MYO1B: variants seen among roughly 807,000 people sequenced by gnomAD.
MYO1B encodes the protein myosin IB.
In MYO1B, 72 loss-of-function variants were observed where a neutral mutation model predicts 159.7. That is an observed-to-expected ratio of 0.45 (90% CI 0.37 to 0.55). The LOEUF (loss-of-function observed/expected upper bound fraction) is 0.55. MYO1B is among the 20% of genes least tolerant of loss of function. The probability of loss-of-function intolerance (pLI) is 0.00; values close to 1 mark genes in which losing one functional copy is unlikely to be tolerated. For missense variants in MYO1B, 1,062 were observed against 1,364.8 expected (o/e 0.78, Z 3.50); for synonymous variants, 468 against 473.8 (o/e 0.99, Z 0.16).
Position 191,414,645 on chromosome 2 carries a change from C to T in MYO1B, c.3135C>T (p.Gly1045=), listed in dbSNP as rs1399178846. Residue 1045 remains glycine, a synonymous_variant, in exon 29 of 31, where the codon GGC becomes GGT. Transcript: ENST00000392318. ...TKVSMSSQND[G]FFAVHLKEGS... ...TATCAATGAGCTCACAAAATGATGG[C>T]TTCTTCGCCGTCCACCTCAAAGAGG... 2 of 1,612,062 alleles carry T rather than the reference C, an allele frequency of 1.2e-6. No homozygotes were observed. Among genetic ancestry groups the T allele is most frequent in the African/African-American group, 2.7e-5 (2 of 74,886 alleles).
chr2:191,314,383 T>C (rs988943614), intron 3 of MYO1B, among the ~76,000 whole-genome samples: 3 of 152,244 alleles, frequency 2.0e-5, no homozygotes, highest in East Asian at 1.9e-4. Context: ...TATGTGATTA[T>C]TGGTGATTAT....
chr2:191,418,450 A>G (rs2126189276), intron 30 of MYO1B, among the ~76,000 whole-genome samples: 3 of 150,430 alleles, frequency 2.0e-5, no homozygotes, highest in Middle Eastern at 6.9e-3. Flanking sequence ...GTTTATGGAA[A>G]GAGAGTCAAA....
intron 1 of MYO1B, among the ~76,000 whole-genome samples, chr2:191,253,432 G>C (rs1179267931): frequency 6.6e-6 from 1 of 151,960 alleles, no homozygotes; most frequent in Non-Finnish European, 1.5e-5. Context: ...TTGTTGTTCT[G>C]GATCGTTCCT....
intron 1 of MYO1B, among the ~76,000 whole-genome samples, chr2:191,265,875 T>G (rs377282460): frequency 6.6e-6 from 1 of 152,228 alleles, no homozygotes; most frequent in East Asian, 1.9e-4. Flanking sequence ...CATTGTGAGC[T>G]GTATAGCATG....
At chr2:191,259,861 T>C (rs888145056) in intron 1 of MYO1B, among the ~76,000 whole-genome samples, 4 of 151,968 alleles carry the variant, frequency 2.6e-5, no homozygotes, top group Non-Finnish European at 5.9e-5. Flanking sequence ...CATTTTGGGA[T>C]GTGGGGCATT....
intron 4 of MYO1B, among the ~76,000 whole-genome samples, chr2:191,340,811 C>T (rs1156263316): frequency 1.3e-5 from 2 of 151,968 alleles, no homozygotes; most frequent in Non-Finnish European, 2.9e-5. Context: ...CTGCAACCTC[C>T]ACCTCCCGGG....
intron 1 of MYO1B, among the ~76,000 whole-genome samples, chr2:191,254,754 G>A (rs1005637584): frequency 6.6e-6 from 1 of 151,786 alleles, no homozygotes; most frequent in African/African-American, 2.4e-5. Flanking sequence ...GGTTTCCCAA[G>A]TGCTGGGATT....
chr2:191,275,182 G>A (rs187726464), intron 1 of MYO1B, among the ~76,000 whole-genome samples: 2 of 152,162 alleles, frequency 1.3e-5, no homozygotes, highest in African/African-American at 4.8e-5. Context: ...GGGATTACAG[G>A]CATGAGCCAC....
At chr2:191,295,215 G>A (rs564653532) in intron 2 of MYO1B, among the ~76,000 whole-genome samples, 8 of 152,186 alleles carry the variant, frequency 5.3e-5, no homozygotes, top group Admixed American at 2.0e-4. Flanking sequence ...GGAAAATGGA[G>A]CTGCCAAGAT....
At position 191,362,367 on chromosome 2, in the gene MYO1B, T is replaced by C. The variant is rs755434177; in HGVS notation, c.761T>C (p.Val254Ala). 7 of 1,613,054 alleles carry C rather than the reference T, an allele frequency of 4.3e-6. No homozygotes were observed. Among genetic ancestry groups the C allele is most frequent in the Non-Finnish European group, 5.9e-6 (7 of 1,179,194 alleles). The stretch of plus-strand genomic sequence containing the variant: ...GATGATGCAGCAAATTTTAGAACCG[T>C]GCGGGTAAGATGTAGTACTTTCATC... ...GVDDAANFRTVRNAMQIVGFM... is the reference protein window; with the variant it reads ...GVDDAANFRTARNAMQIVGFM... Residue 254 changes from valine (V) to alanine (A), a missense_variant, in exon 9 of 31, where the codon GTG becomes GCG. By Grantham distance (64) the Val-to-Ala change is moderately conservative. Coordinates refer to ENST00000392318, the MANE Select transcript of MYO1B (RefSeq NM_001130158.3).
chr2:191,329,947 G>T lies in MYO1B; in HGVS notation c.264G>T (p.Ser88=). 1 of 1,609,814 alleles carries T rather than the reference G, an allele frequency of 6.2e-7. No homozygotes were observed. Among genetic ancestry groups the T allele is most frequent in the Admixed American group, 1.7e-5 (1 of 59,702 alleles). ...YELSPHIFAL[S]DEAYRSLRDQ... ...TTATCCCCTGCAGCTTTGCCCTTTCGGATGAAGCATACAGATCCCTACGAG... is the reference window on the plus strand; with the variant it reads ...TTATCCCCTGCAGCTTTGCCCTTTCTGATGAAGCATACAGATCCCTACGAG... The change falls in exon 4 of 31, where the codon TCG becomes TCT. Residue 88 remains serine (S), a synonymous_variant. Transcript: ENST00000392318.
chr2:191,390,915 A>G (rs1256081942), intron 18 of MYO1B, among the ~76,000 whole-genome samples: 1 of 152,248 alleles, frequency 6.6e-6, no homozygotes, highest in East Asian at 1.9e-4. Flanking sequence ...TCAATAGACG[A>G]TACGAGCAGG....
intron 20 of MYO1B, among the ~76,000 whole-genome samples, chr2:191,394,947 A>T (rs1330204165): frequency 6.6e-6 from 1 of 152,178 alleles, no homozygotes; most frequent in Non-Finnish European, 1.5e-5. Context: ...TGAACTACAT[A>T]CCTCAACCAG....
In MYO1B at chr2:191,388,427, A is replaced by G. The variant is rs73984114; in HGVS notation, c.1781+977A>G. On this transcript the variant is annotated intron_variant, in intron 17 of 30. Coordinates refer to ENST00000392318, the MANE Select transcript of MYO1B (RefSeq NM_001130158.3). ...TTTGGTGAGCTAGATAGTAGAAGGTATGTGTCTGGTGGGTCAGATTTCATA... is the reference window on the plus strand; with the variant it reads ...TTTGGTGAGCTAGATAGTAGAAGGTGTGTGTCTGGTGGGTCAGATTTCATA... Among the ~76,000 whole-genome samples the G allele has an allele frequency of 2.2e-3, 337 of 152,304 alleles. 1 individual carries two copies. The highest frequency in any genetic ancestry group is 7.7e-3 in the African/African-American group (320 of 41,574).
chr2:191,248,950 TAG>T (rs1255535799), intron 1 of MYO1B, among the ~76,000 whole-genome samples: 1 of 152,232 alleles, frequency 6.6e-6, no homozygotes, highest in Non-Finnish European at 1.5e-5. Context: ...TTACAACTCT[TAG>T]AACTGTATTG....
chr2:191,276,474 G>A (rs768379679), intron 1 of MYO1B, among the ~76,000 whole-genome samples: 4 of 152,176 alleles, frequency 2.6e-5, no homozygotes, highest in Non-Finnish European at 4.4e-5. Context: ...ACAAATGTTA[G>A]CAGCATCATT....
chr2:191,315,302 T>C (rs946287699), intron 3 of MYO1B, among the ~76,000 whole-genome samples: 24 of 152,240 alleles, frequency 1.6e-4, no homozygotes, highest in African/African-American at 5.8e-4. Context: ...ATGGTTCAGA[T>C]ACATGTGAAG....
chr2:191,422,289 G>T (rs74523525), intron 30 of MYO1B, among the ~76,000 whole-genome samples: 1 of 152,192 alleles, frequency 6.6e-6, no homozygotes, highest in East Asian at 1.9e-4. Flanking sequence ...TGGAAGACCT[G>T]GTTTCTGGCC....
intron 1 of MYO1B, among the ~76,000 whole-genome samples, chr2:191,259,976 G>T (rs1379659825): frequency 6.6e-6 from 1 of 152,106 alleles, no homozygotes; most frequent in Non-Finnish European, 1.5e-5. Context: ...AGCTACGTGT[G>T]GTGGAAGCTG....
Sources: gnomAD v4.1 joint callset for allele counts (sites outside exome capture counted in the v4.1 genomes callset) on GRCh38, gnomAD v4.1.1 for gene constraint, MANE v1.5 for transcripts, NCBI Gene and HGNC (gene_info 2026-07-23, HGNC 2026-07-21) for gene names.